EML1: variants seen among roughly 807,000 people sequenced by gnomAD.
EML1 encodes the protein EMAP like 1, also known as echinoderm microtubule-associated protein-like 1.
Under a neutral mutation model 110.4 loss-of-function variants are expected in EML1, and 27 were observed. That is an observed-to-expected ratio of 0.24 (90% CI 0.18 to 0.34). The LOEUF is 0.34. EML1 is among the 10% of genes least tolerant of loss of function. EML1 has a pLI of 1.00. For missense variants in EML1, 741 were observed against 1,030.9 expected, an observed-to-expected ratio of 0.72 and a Z score of 3.85; for synonymous variants, 344 against 385.8, an observed-to-expected ratio of 0.89 and a Z score of 1.27.
intron 1 of EML1, among the ~76,000 whole-genome samples, chr14:99,774,397 T>C (rs2057459697): frequency 6.6e-6 from 1 of 152,158 alleles, no homozygotes; most frequent in Non-Finnish European, 1.5e-5. Context: ...GCCATGGCGA[T>C]TGTTAAAAGA....
intron 17 of EML1, among the ~76,000 whole-genome samples, chr14:99,925,685 T>G (rs2060221251): frequency 6.6e-6 from 1 of 152,232 alleles, no homozygotes; most frequent in East Asian, 1.9e-4. Flanking sequence ...TCAGGCCGTT[T>G]CCATGTCGGC....
intron 1 of EML1, among the ~76,000 whole-genome samples, chr14:99,832,372 G>A (rs538916738): frequency 1.3e-5 from 2 of 152,222 alleles, no homozygotes; most frequent in African/African-American, 4.8e-5. Flanking sequence ...TGTATGGATG[G>A]AGGCTTTCAT....
chr14:99,923,638 G>GAGTTGAATTAT (rs2060172835), intron 17 of EML1, among the ~76,000 whole-genome samples: 1 of 126,854 alleles, frequency 7.9e-6, no homozygotes. Flanking sequence ...ACTCAGTTCT[G>GAGTTGAATTAT]CCCCCTTCAC....
At chr14:99,831,055 A>G (rs537932222) in intron 1 of EML1, among the ~76,000 whole-genome samples, 2 of 152,204 alleles carry the variant, frequency 1.3e-5, no homozygotes, top group Non-Finnish European at 2.9e-5. Flanking sequence ...CTAAATTCCA[A>G]ATTTTCACTC....
intron 1 of EML1, among the ~76,000 whole-genome samples, chr14:99,785,439 G>T (rs1192081294): frequency 6.6e-6 from 1 of 152,210 alleles, no homozygotes; most frequent in Non-Finnish European, 1.5e-5. Context: ...AAGAGCCTAA[G>T]AAAGGCAAGA....
Position 99,838,904 on chromosome 14 carries a change from A to AGTGCGCGCGCGCGCGTGTGTGTGT in EML1, c.68-11935_68-11912dup, listed in dbSNP as rs1469522215. The stretch of plus-strand genomic sequence containing the variant: ...AAGAGCATTTCTGCAAAGGTTGGGG[A>AGTGCGCGCGCGCGCGTGTGTGTGT]GTGCGCGCGCGCGCGTGTGTGTGTG... On this transcript the variant is annotated intron_variant, in intron 1 of 21. Coordinates refer to ENST00000262233, the MANE Select transcript of EML1 (RefSeq NM_004434.3). 1.0e-4 allele frequency: 5 copies of AGTGCGCGCGCGCGCGTGTGTGTGT among 49,910 alleles called. No homozygotes were observed. The Admixed American group carries it at 1.1e-3, about 11-fold the overall frequency. 3.1% of individuals were successfully genotyped at this position (49,910 alleles called of 1,614,324 possible).
upstream of EML1, among the ~76,000 whole-genome samples, chr14:99,791,155 C>T (rs917500245): frequency 5.3e-5 from 8 of 152,194 alleles, no homozygotes; most frequent in African/African-American, 1.4e-4. Context: ...GCCCCGCCCT[C>T]GGCCTCCCTG....
chr14:99,749,031 T>C (rs2057145055), intron 1 of EML1, among the ~76,000 whole-genome samples: 1 of 152,226 alleles, frequency 6.6e-6, no homozygotes, highest in South Asian at 2.1e-4. Flanking sequence ...AGCATATGGA[T>C]ATACCATGTT....
chr14:99,893,482 T>C (rs1317948160), intron 5 of EML1, among the ~76,000 whole-genome samples: 2 of 152,174 alleles, frequency 1.3e-5, no homozygotes, highest in Non-Finnish European at 1.5e-5. Flanking sequence ...TAATACGCAG[T>C]GTGAAGAGTG....
chr14:99,805,435 C>T (rs965555789), intron 1 of EML1, among the ~76,000 whole-genome samples: 2 of 152,172 alleles, frequency 1.3e-5, no homozygotes, highest in East Asian at 1.9e-4. Flanking sequence ...GTTTCATCAG[C>T]AGCCATATTC....
intron 1 of EML1, chr14:99,850,011 C>G (rs1252336609): frequency 1.3e-5 from 4 of 305,932 alleles, no homozygotes; most frequent in Non-Finnish European, 2.5e-5. Flanking sequence ...TCACTGCAGC[C>G]TTGACCTCTC....
In EML1 at chr14:99,939,141, A is replaced by G; in HGVS notation, c.2192-56A>G. The G allele has an allele frequency of 6.2e-7, 1 of 1,601,982 alleles. No individual in the cohort carries two copies. Among genetic ancestry groups the G allele is most frequent in the Non-Finnish European group, 8.5e-7 (1 of 1,173,812 alleles). On this transcript the variant is annotated intron_variant, in intron 20 of 21. Coordinates refer to ENST00000262233, the MANE Select transcript of EML1 (RefSeq NM_004434.3). This position sits in a 1 kb window ranked among gnomAD's most constrained non-coding sequence, Gnocchi z 4.2. ...CCGTTCAGTGGGCGCTTCCTGCGCC[A>G]TGTGGCCCTGTGGCCCCTGGTGTTT...
chr14:99,922,827 A>G lies in EML1; in HGVS notation c.1909+1950A>G, dbSNP rs187932674. Among the ~76,000 whole-genome samples the G allele has an allele frequency of 4.8e-3, 730 of 152,138 alleles. 3 individuals are homozygous for G. Among genetic ancestry groups the G allele is most frequent in the Middle Eastern group, 0.014 (4 of 294 alleles). On this transcript the variant is annotated intron_variant, in intron 17 of 21. Coordinates refer to ENST00000262233, the MANE Select transcript of EML1 (RefSeq NM_004434.3). ...TATTCAGATATTTTGCCAATTTTTA[A>G]TTGGGCTGTTTGTCTTACTGTTGAG...
At chr14:99,834,579 G>T (rs994242508) in intron 1 of EML1, among the ~76,000 whole-genome samples, 1 of 152,122 alleles carries the variant, frequency 6.6e-6, no homozygotes, top group Non-Finnish European at 1.5e-5. Flanking sequence ...GATTACAAGT[G>T]TGAGGTACTG....
chr14:99,817,722 C>T (rs544693998), intron 1 of EML1, among the ~76,000 whole-genome samples: 1 of 152,288 alleles, frequency 6.6e-6, no homozygotes, highest in East Asian at 1.9e-4. Flanking sequence ...AGGTGTTGTG[C>T]TAGGTGCTGG....
chr14:99,793,865 C>T (rs1380871632), intron 1 of EML1, among the ~76,000 whole-genome samples: 1 of 151,220 alleles, frequency 6.6e-6, no homozygotes, highest in African/African-American at 2.4e-5. Flanking sequence ...GCGGGGAGGC[C>T]CGGGCAGCCT....
intron 1 of EML1, chr14:99,850,044 C>T: frequency 1.2e-5 from 4 of 326,874 alleles, no homozygotes; most frequent in South Asian, 1.1e-4. Context: ...ACTGCCCCAC[C>T]TCAGCCTCCT....
chr14:99,819,758 G>T (rs983385649), intron 1 of EML1, among the ~76,000 whole-genome samples: 1 of 152,216 alleles, frequency 6.6e-6, no homozygotes, highest in Non-Finnish European at 1.5e-5. Context: ...GTCTGCAACA[G>T]GAGCCCAGCC....
At chr14:99,744,886 G>A (rs753587942) in intron 1 of EML1, among the ~76,000 whole-genome samples, 4 of 152,226 alleles carry the variant, frequency 2.6e-5, no homozygotes, top group South Asian at 4.1e-4. Context: ...CGTTTATTCA[G>A]TGTAATCCAC....
Sources: allele counts gnomAD v4.1 joint callset (sites outside exome capture counted in the v4.1 genomes callset), GRCh38; gene constraint gnomAD v4.1.1; non-coding constraint Gnocchi (gnomAD v3.1); transcripts MANE v1.5; gene names NCBI Gene and HGNC (gene_info 2026-07-23, HGNC 2026-07-21).